Variants in SCMH1 observed in about 807,000 individuals in gnomAD.
The protein encoded by SCMH1 is Scm polycomb group protein homolog 1, also known as polycomb protein SCMH1.
Under a neutral mutation model 70.8 loss-of-function variants are expected in SCMH1, and 37 were observed. That is an observed-to-expected ratio of 0.52 (90% confidence interval 0.40 to 0.69). SCMH1 has a LOEUF of 0.69. SCMH1 is among the 30% of genes least tolerant of loss of function. SCMH1 has a pLI of 0.00. For missense variants in SCMH1, 607 were observed against 827.3 expected, an observed-to-expected ratio of 0.73 and a Z score of 3.27; for synonymous variants, 292 against 307.4, an observed-to-expected ratio of 0.95 and a Z score of 0.52.
At chr1:41,240,560 TAA>T (rs71692898) in intron 1 of SCMH1, among the ~76,000 whole-genome samples, 4 of 144,046 alleles carry the variant, frequency 2.8e-5, no homozygotes, top group Non-Finnish European at 6.1e-5. Context: ...TTTCAGAGTT[TAA>T]AAAAAAAAAA....
chr1:41,218,479 C>T (rs72665633), intron 1 of SCMH1, among the ~76,000 whole-genome samples: 13,075 of 152,138 alleles, frequency 0.086, 714 homozygotes, highest in South Asian at 0.15. Flanking sequence ...AGCCCAGGAA[C>T]ACCAAGGACT....
intron 1 of SCMH1, among the ~76,000 whole-genome samples, chr1:41,202,744 T>A (rs1244864296): frequency 6.6e-6 from 1 of 152,080 alleles, no homozygotes; most frequent in African/African-American, 2.4e-5. Flanking sequence ...GAGGCTCCAC[T>A]GGATGAAGGT....
chr1:41,120,520 A>G (rs1220520175), intron 6 of SCMH1, among the ~76,000 whole-genome samples: 2 of 152,160 alleles, frequency 1.3e-5, no homozygotes, highest in African/African-American at 4.8e-5. Context: ...ACTATGTTTC[A>G]CTACCAGCAG....
At chr1:41,159,848 CATA>C (rs1645872546) in intron 4 of SCMH1, 1 of 1,336,390 alleles carries the variant, frequency 7.5e-7, no homozygotes, top group Non-Finnish European at 9.6e-7. Flanking sequence ...GAATGAAAAT[CATA>C]ATAATCCTCC....
intron 3 of SCMH1, 106 bp downstream of exon 3, chr1:41,161,258 T>C: frequency 1.3e-6 from 2 of 1,508,084 alleles, no homozygotes; most frequent in Non-Finnish European, 1.8e-6. Flanking sequence ...GCTTCTGATA[T>C]AACAATTGAG....
intron 1 of SCMH1, among the ~76,000 whole-genome samples, chr1:41,238,540 T>A (rs918304456): frequency 1.3e-5 from 2 of 152,128 alleles, no homozygotes; most frequent in African/African-American, 2.4e-5. Flanking sequence ...TCTACCACCC[T>A]CCTGATTAAT....
intron 6 of SCMH1, among the ~76,000 whole-genome samples, chr1:41,131,676 T>C (rs535620494): frequency 6.6e-6 from 1 of 152,168 alleles, no homozygotes; most frequent in Non-Finnish European, 1.5e-5. Flanking sequence ...TTACATTAGG[T>C]ATTTCTCCTA....
At chr1:41,234,337 T>G (rs1159714877) in intron 1 of SCMH1, among the ~76,000 whole-genome samples, 1 of 151,988 alleles carries the variant, frequency 6.6e-6, no homozygotes, top group Non-Finnish European at 1.5e-5. Context: ...TTAAAAATTA[T>G]CTGGGCATGA....
chr1:41,208,333 A>G (rs1656084314), intron 1 of SCMH1, among the ~76,000 whole-genome samples: 1 of 135,408 alleles, frequency 7.4e-6, no homozygotes, highest in African/African-American at 2.8e-5. Flanking sequence ...GCTAGATGAC[A>G]CATTAGTGGG....
chr1:41,049,029 T>C (rs1647168724), intron 10 of SCMH1, 139 bp from the exon 11 acceptor site: 1 of 796,458 alleles, frequency 1.3e-6, no homozygotes. Context: ...TGAAATGCTG[T>C]GGGAGGTAGA....
intron 6 of SCMH1, among the ~76,000 whole-genome samples, chr1:41,127,053 T>C (rs768526801): frequency 7.9e-5 from 12 of 152,170 alleles, no homozygotes; most frequent in Non-Finnish European, 1.2e-4. Context: ...TTGGAATTTT[T>C]GTCAATCTGG....
chr1:41,159,243 T>C (rs1055993506), intron 4 of SCMH1, among the ~76,000 whole-genome samples: 7 of 152,336 alleles, frequency 4.6e-5, no homozygotes, highest in African/African-American at 1.4e-4. Context: ...ACCAATGCTC[T>C]AGGAAAAATA....
At chr1:41,152,697 G>A in intron 4 of SCMH1, 2 of 1,614,042 alleles carry the variant, frequency 1.2e-6, no homozygotes, top group African/African-American at 2.7e-5. Flanking sequence ...CCTCTGTAGT[G>A]GAGCAGCACA....
intron 4 of SCMH1, chr1:41,152,577 C>A: frequency 6.2e-7 from 1 of 1,613,018 alleles, no homozygotes; most frequent in Non-Finnish European, 8.5e-7. Flanking sequence ...AAACCAATTA[C>A]CAGTCTCCCC....
At chr1:41,166,026 A>G (rs1204929779) in intron 2 of SCMH1, among the ~76,000 whole-genome samples, 3 of 152,118 alleles carry the variant, frequency 2.0e-5, no homozygotes, top group African/African-American at 7.2e-5. Context: ...TGATTCTCAT[A>G]TGAGGGGTGA....
intron 1 of SCMH1, among the ~76,000 whole-genome samples, chr1:41,233,067 C>T (rs1349217902): frequency 6.6e-6 from 1 of 152,128 alleles, no homozygotes; most frequent in African/African-American, 2.4e-5. Flanking sequence ...GAATAAATGA[C>T]CTAATAGTTA....
chr1:41,080,139 CTCTT>C (rs1203833560), intron 8 of SCMH1, among the ~76,000 whole-genome samples: 1 of 151,492 alleles, frequency 6.6e-6, no homozygotes, highest in Non-Finnish European at 1.5e-5. Context: ...ATGAGTCTCT[CTCTT>C]AAAACACAAA....
At chr1:41,059,583 A>T (rs186745232) in intron 10 of SCMH1, among the ~76,000 whole-genome samples, 291 of 152,226 alleles carry the variant, frequency 1.9e-3, no homozygotes, top group African/African-American at 6.6e-3. Flanking sequence ...CCATTCTTCA[A>T]GTCTGTGTGT....
chr1:41,200,954 T>G (rs1654227435), intron 1 of SCMH1, among the ~76,000 whole-genome samples: 1 of 152,094 alleles, frequency 6.6e-6, no homozygotes, highest in Non-Finnish European at 1.5e-5. Flanking sequence ...GTTCACACAC[T>G]GCCTAAGCAG....
Sources: gnomAD v4.1 joint callset for allele counts (sites outside exome capture counted in the v4.1 genomes callset) on GRCh38, gnomAD v4.1.1 for gene constraint, MANE v1.5 for transcripts, NCBI Gene and HGNC (gene_info 2026-07-23, HGNC 2026-07-21) for gene names.